PRKAG2: variants seen among roughly 807,000 people sequenced by gnomAD.
PRKAG2 encodes the protein protein kinase AMP-activated non-catalytic subunit gamma 2, also known as 5'-AMP-activated protein kinase subunit gamma-2.
PRKAG2 carries 26 observed loss-of-function variants against 69.6 expected under a neutral mutation model. That is an observed-to-expected ratio of 0.37 (90% CI 0.27 to 0.52). The LOEUF (loss-of-function observed/expected upper bound fraction) is 0.52. Among genes scored for constraint, PRKAG2 ranks in the 20% least tolerant of loss-of-function variants. The pLI, the probability that PRKAG2 is intolerant of heterozygous loss-of-function variation, is 0.90. For missense variants in PRKAG2, 557 were observed against 740.0 expected (o/e 0.75, Z 2.87); for synonymous variants, 293 against 285.0 (o/e 1.03, Z -0.28).
At chr7:151,690,143 G>A (rs1835439111) in intron 3 of PRKAG2, among the ~76,000 whole-genome samples, 1 of 152,170 alleles carries the variant, frequency 6.6e-6, no homozygotes, top group Non-Finnish European at 1.5e-5. Context: ...TCAGGGCCAT[G>A]ATAAAAAATG....
chr7:151,565,762 C>T lies in PRKAG2; in HGVS notation c.1357G>A (p.Val453Met), dbSNP rs1806102539. The T allele has an allele frequency of 6.2e-7, 1 of 1,613,816 alleles. No individual in the cohort carries two copies. Among genetic ancestry groups the T allele is most frequent in the African/African-American group, 1.3e-5 (1 of 74,936 alleles). Reference sequence around the variant, plus strand: ...GGCAGAGCTGATATTCGTCTTTCCACAAATATGTTCAAGGCTTTGATGATG... The same window carrying T: ...GGCAGAGCTGATATTCGTCTTTCCATAAATATGTTCAAGGCTTTGATGATG... Reference protein sequence around the residue: ...TPIIKALNIFVERRISALPVV... With the variant: ...TPIIKALNIFMERRISALPVV... Residue 453 changes from valine to methionine, a missense_variant, in exon 12 of 16, where the codon GTG (valine) becomes ATG (methionine). This residue lies in a region of PRKAG2 where 205 missense variants were observed against 383.4 expected (regional missense o/e 0.53). Coordinates refer to ENST00000287878, the MANE Select transcript of PRKAG2 (RefSeq NM_016203.4).
intron 6 of PRKAG2, among the ~76,000 whole-genome samples, chr7:151,588,019 T>A (rs889381742): frequency 2.0e-5 from 3 of 148,720 alleles, no homozygotes; most frequent in Non-Finnish European, 4.5e-5. Context: ...AAACACTTGT[T>A]AAAAAAAAAA....
In PRKAG2 at chr7:151,850,681, C is replaced by T. The variant is rs1300303405; in HGVS notation, c.114+25826G>A. Among the ~76,000 whole-genome samples, 1 of 152,242 alleles carries T rather than the reference C, an allele frequency of 6.6e-6. No homozygotes were observed. Reference sequence around the variant, plus strand: ...TGTGTCCAGGAACATGGCCCTTGTGCCCCACCAGCATCCACCCGCCCCACC... The same window carrying T: ...TGTGTCCAGGAACATGGCCCTTGTGTCCCACCAGCATCCACCCGCCCCACC... On this transcript the variant is annotated intron_variant, in intron 1 of 15. Coordinates refer to ENST00000287878, the MANE Select transcript of PRKAG2 (RefSeq NM_016203.4). The surrounding 1 kb of genome is among the most constrained non-coding windows in gnomAD (Gnocchi z 4.1).
Position 151,578,337 on chromosome 7 carries a change from C to G in PRKAG2, c.865-1885G>C, listed in dbSNP as rs564533852. ...TCCAGCCTGAGTGAAGAGTGAGACT[C>G]TGTCTCAAACAAGCAAACAAACAAA... is the stretch of plus-strand genomic sequence containing the variant. On this transcript the variant is annotated intron_variant, in intron 6 of 15. Coordinates refer to ENST00000287878, the MANE Select transcript of PRKAG2 (RefSeq NM_016203.4). Among the ~76,000 whole-genome samples, 9 of 152,304 alleles carry G rather than the reference C, an allele frequency of 5.9e-5. No homozygotes were observed. The South Asian group carries it at 1.9e-3, about 32-fold the overall frequency.
At chr7:151,763,198 T>C (rs2075530155) in intron 3 of PRKAG2, among the ~76,000 whole-genome samples, 1 of 152,196 alleles carries the variant, frequency 6.6e-6, no homozygotes, top group Admixed American at 6.5e-5. Context: ...CGCCAGAATC[T>C]AAGCTGAGCC....
chr7:151,684,998 T>C (rs1834504353), intron 3 of PRKAG2, among the ~76,000 whole-genome samples: 2 of 152,150 alleles, frequency 1.3e-5, no homozygotes. Context: ...AGGGTGACTT[T>C]AGGTATCAGT....
intron 1 of PRKAG2, among the ~76,000 whole-genome samples, chr7:151,849,251 A>G (rs1730696021): frequency 6.6e-6 from 1 of 152,202 alleles, no homozygotes; most frequent in African/African-American, 2.4e-5. Context: ...TGCTTTGGAG[A>G]AAGTTTCTGG....
rs1469577127 is a variant in PRKAG2, at chr7:151,771,227, C to G, written c.466+9925G>C. On this transcript the variant is annotated intron_variant, in intron 3 of 15. Coordinates refer to ENST00000287878, the MANE Select transcript of PRKAG2 (RefSeq NM_016203.4). This position sits in a 1 kb window ranked among gnomAD's most constrained non-coding sequence, Gnocchi z 4.0. ...GTTATTCTTTATGCTTTTCCCTTAG[C>G]TAAAATTTCGATTTCCGCTTTACAT... Among the ~76,000 whole-genome samples, 1 of 152,182 alleles carries G rather than the reference C, an allele frequency of 6.6e-6. No individual in the cohort carries two copies. Among genetic ancestry groups the G allele is most frequent in the South Asian group, 2.1e-4 (1 of 4,832 alleles).
At chr7:151,679,732 T>C (rs1210172169) in intron 3 of PRKAG2, among the ~76,000 whole-genome samples, 2 of 152,036 alleles carry the variant, frequency 1.3e-5, no homozygotes, top group Non-Finnish European at 2.9e-5. Flanking sequence ...TGGACAATGC[T>C]GAAAAGTAGC....
chr7:151,861,032 A>C (rs1309525785), intron 1 of PRKAG2, among the ~76,000 whole-genome samples: 1 of 152,202 alleles, frequency 6.6e-6, no homozygotes, highest in African/African-American at 2.4e-5. Context: ...ACGTGGACCA[A>C]GGCCAAGCCC....
chr7:151,817,335 T>C (rs2078670519), intron 1 of PRKAG2, among the ~76,000 whole-genome samples: 1 of 152,228 alleles, frequency 6.6e-6, no homozygotes, highest in South Asian at 2.1e-4. Flanking sequence ...TCACCCGCTC[T>C]AATTCATCCT....
intron 3 of PRKAG2, among the ~76,000 whole-genome samples, chr7:151,695,500 C>G (rs1836464207): frequency 6.6e-6 from 1 of 152,054 alleles, no homozygotes; most frequent in South Asian, 2.1e-4. Context: ...GTGTGGGTGC[C>G]CTAAGTGCCG....
intron 14 of PRKAG2, among the ~76,000 whole-genome samples, chr7:151,563,846 T>A (rs556486392): frequency 5.3e-5 from 8 of 152,350 alleles, no homozygotes; most frequent in African/African-American, 1.9e-4. Context: ...GTTTATTGGA[T>A]TCACCTATGA....
At chr7:151,783,710 C>G (rs755457829) in intron 2 of PRKAG2, among the ~76,000 whole-genome samples, 1 of 151,522 alleles carries the variant, frequency 6.6e-6, no homozygotes, top group Non-Finnish European at 1.5e-5. Context: ...CACCTGAGCT[C>G]GACCAGCCTG....
At chr7:151,562,694 G>A (rs866770481) in intron 14 of PRKAG2, among the ~76,000 whole-genome samples, 1 of 152,160 alleles carries the variant, frequency 6.6e-6, no homozygotes, top group African/African-American at 2.4e-5. Flanking sequence ...TTAGCCGGGT[G>A]CGGTGGCTCA....
At position 151,701,723 on chromosome 7, in the gene PRKAG2, TC is replaced by T. The variant is rs201883931; in HGVS notation, c.467-26087del. 8.6e-3 allele frequency among the ~76,000 whole-genome samples: 1,310 copies of T among 151,566 alleles called. 21 individuals are homozygous for T. Among genetic ancestry groups the T allele is most frequent in the African/African-American group, 0.029 (1,195 of 41,262 alleles). On this transcript the variant is annotated intron_variant, in intron 3 of 15. Transcript: ENST00000287878. Reference sequence around the variant, plus strand: ...CCGGCCTGGTGGTGGGCACCTGTAGTCCCCAGCTACTCGGGAGGCTGAGGCA... The same window carrying T: ...CCGGCCTGGTGGTGGGCACCTGTAGTCCCAGCTACTCGGGAGGCTGAGGCA...
chr7:151,801,714 A>G (rs1200995483), intron 1 of PRKAG2, among the ~76,000 whole-genome samples: 5 of 152,204 alleles, frequency 3.3e-5, no homozygotes, highest in African/African-American at 1.2e-4. Context: ...GGCTTGTTAT[A>G]TAAGGAGGAG....
At chr7:151,744,389 C>T (rs1336061633) in intron 3 of PRKAG2, among the ~76,000 whole-genome samples, 2 of 152,108 alleles carry the variant, frequency 1.3e-5, no homozygotes, top group African/African-American at 2.4e-5. Flanking sequence ...GTTGTAGACA[C>T]CATGGTTGGT....
intron 6 of PRKAG2, among the ~76,000 whole-genome samples, chr7:151,578,666 T>C (rs1029947): frequency 0.21 from 32,061 of 152,072 alleles, 4,301 homozygotes; most frequent in East Asian, 0.44. Flanking sequence ...AGAATGACGA[T>C]GAGGAAATGA....
Sources: gnomAD v4.1 joint callset for allele counts (sites outside exome capture counted in the v4.1 genomes callset) on GRCh38, gnomAD v4.1.1 for gene constraint, gnomAD v4.1.1 regional missense constraint, Gnocchi (gnomAD v3.1) non-coding constraint, MANE v1.5 for transcripts, NCBI Gene and HGNC (gene_info 2026-07-23, HGNC 2026-07-21) for gene names.